DLGAP2: variants seen among roughly 807,000 people sequenced by gnomAD.
DLGAP2 encodes the protein DLG associated protein 2, also known as disks large-associated protein 2.
In DLGAP2, 26 loss-of-function variants were observed where a neutral mutation model predicts 100.3. That is an observed-to-expected ratio of 0.26 (90% CI 0.19 to 0.36). The LOEUF (loss-of-function observed/expected upper bound fraction) is 0.36, where lower values mean the gene tolerates loss of function less well. DLGAP2 is among the 10% of genes least tolerant of loss of function. The probability of loss-of-function intolerance (pLI) is 1.00; values close to 1 mark genes in which losing one functional copy is unlikely to be tolerated. For missense variants in DLGAP2, 1,858 were observed against 1,453.2 expected, an observed-to-expected ratio of 1.28 and a Z score of -4.53; for synonymous variants, 886 against 630.1, an observed-to-expected ratio of 1.41 and a Z score of -6.08.
At chr8:1,322,777 C>A (rs74588242) in intron 3 of DLGAP2, among the ~76,000 whole-genome samples, 1 of 152,248 alleles carries the variant, frequency 6.6e-6, no homozygotes, top group Non-Finnish European at 1.5e-5. Context: ...GCTCCTCCCC[C>A]CTGCATCAGG....
intron 12 of DLGAP2, among the ~76,000 whole-genome samples, chr8:1,683,241 T>C (rs1249045303): frequency 6.6e-6 from 1 of 151,552 alleles, no homozygotes; most frequent in Non-Finnish European, 1.5e-5. Flanking sequence ...CTGGAGAAGG[T>C]GGCACTGTGC....
At chr8:947,404 G>A (rs117156250) in intron 2 of DLGAP2, among the ~76,000 whole-genome samples, 3 of 152,336 alleles carry the variant, frequency 2.0e-5, no homozygotes, top group East Asian at 1.9e-4. Context: ...TTCATGTTGC[G>A]CTGGCCTTGC....
intron 1 of DLGAP2, among the ~76,000 whole-genome samples, chr8:901,951 T>G (rs920371798): frequency 2.6e-5 from 4 of 152,200 alleles, no homozygotes; most frequent in African/African-American, 9.6e-5. Flanking sequence ...GGAAACTGGC[T>G]GGAGGGCAGC....
intron 2 of DLGAP2, among the ~76,000 whole-genome samples, chr8:958,269 C>T (rs1033358100): frequency 2.6e-5 from 4 of 152,282 alleles, no homozygotes; most frequent in South Asian, 4.1e-4. Flanking sequence ...CCCCCACCGC[C>T]GCCATGTTTT....
At chr8:1,059,522 C>G (rs115903311) in intron 2 of DLGAP2, among the ~76,000 whole-genome samples, 1 of 152,136 alleles carries the variant, frequency 6.6e-6, no homozygotes, top group Non-Finnish European at 1.5e-5. Context: ...TGGTGTGTGG[C>G]GAGTGTGGGC....
At chr8:1,020,593 C>T (rs959701910) in intron 2 of DLGAP2, among the ~76,000 whole-genome samples, 2 of 152,242 alleles carry the variant, frequency 1.3e-5, no homozygotes, top group Non-Finnish European at 2.9e-5. Context: ...GCATTGACAG[C>T]ATTGTCAGGA....
chr8:911,013 C>A (rs1305808089), intron 2 of DLGAP2, among the ~76,000 whole-genome samples: 1 of 152,102 alleles, frequency 6.6e-6, no homozygotes, highest in Non-Finnish European at 1.5e-5. Flanking sequence ...CTGCCCATTC[C>A]TGCTTGGAGC....
At position 1,701,516 on chromosome 8, in the gene DLGAP2, C is replaced by A; in HGVS notation, c.*110C>A. ...CCTCCTCCCGCTGAACACGTCCTCG[C>A]TCCCGCGCTCCCCGCGCCCCGGACA... On this transcript the variant is annotated 3_prime_UTR_variant, in exon 15 of 15. Transcript: ENST00000637795. The A allele has an allele frequency of 8.5e-7, 1 of 1,172,774 alleles. No homozygotes were observed. The highest frequency in any genetic ancestry group is 1.2e-6 in the Non-Finnish European group (1 of 857,074). The allele number at this position is 1,172,774 out of a possible 1,614,324, so 72.6% of individuals were successfully genotyped here. A position where few individuals can be genotyped will look rare whatever the true frequency, so the allele number is the denominator to read the frequency against.
At chr8:937,913 G>A (rs1267362793) in intron 2 of DLGAP2, among the ~76,000 whole-genome samples, 1 of 152,148 alleles carries the variant, frequency 6.6e-6, no homozygotes, top group Admixed American at 6.5e-5. Flanking sequence ...TGGGGTAGGG[G>A]GACAGGAGGT....
At chr8:747,561 T>G (rs1398621412) in intron 1 of DLGAP2, among the ~76,000 whole-genome samples, 282 of 10,596 alleles carry the variant, frequency 0.027, no homozygotes, top group Non-Finnish European at 0.028. Context: ...AGGGCGGGGG[T>G]GGGGGGCTCT....
chr8:836,069 A>C (rs941641732), intron 1 of DLGAP2, among the ~76,000 whole-genome samples: 3 of 152,188 alleles, frequency 2.0e-5, no homozygotes, highest in East Asian at 1.9e-4. Context: ...TGTAAAGGAC[A>C]CCCGCAGCCA....
intron 2 of DLGAP2, among the ~76,000 whole-genome samples, chr8:1,031,536 C>T (rs1293970309): frequency 6.6e-6 from 1 of 152,122 alleles, no homozygotes. Flanking sequence ...CTCAGCCTCT[C>T]AAGTAGCTGG....
intron 3 of DLGAP2, among the ~76,000 whole-genome samples, chr8:1,389,749 G>A (rs1426265721): frequency 6.6e-6 from 1 of 152,144 alleles, no homozygotes; most frequent in Non-Finnish European, 1.5e-5. Flanking sequence ...AGGTGGCCGT[G>A]GAGCAGCTGG....
intron 3 of DLGAP2, among the ~76,000 whole-genome samples, chr8:1,332,359 C>T (rs1450027247): frequency 1.3e-5 from 2 of 151,844 alleles, no homozygotes; most frequent in Non-Finnish European, 2.9e-5. Context: ...GTGTATACAT[C>T]TGTGTACACA....
At chr8:1,491,506 G>T (rs1799388019) in intron 3 of DLGAP2, among the ~76,000 whole-genome samples, 1 of 152,210 alleles carries the variant, frequency 6.6e-6, no homozygotes, top group Non-Finnish European at 1.5e-5. Context: ...TTTGTAAAAT[G>T]CCCTTCACTC....
chr8:1,213,709 C>CTAATAT (rs1323274172), intron 2 of DLGAP2, among the ~76,000 whole-genome samples: 1 of 152,158 alleles, frequency 6.6e-6, no homozygotes, highest in Non-Finnish European at 1.5e-5. Flanking sequence ...TATCCAAGGG[C>CTAATAT]CCTCTCCCAT....
intron 3 of DLGAP2, among the ~76,000 whole-genome samples, chr8:1,358,001 C>G (rs1801895830): frequency 6.6e-6 from 1 of 152,162 alleles, no homozygotes; most frequent in South Asian, 2.1e-4. Context: ...TGTCTCAGGA[C>G]TCCTTGACAA....
intron 3 of DLGAP2, among the ~76,000 whole-genome samples, chr8:1,273,997 AT>A (rs1353198447): frequency 6.6e-6 from 1 of 152,108 alleles, no homozygotes; most frequent in Non-Finnish European, 1.5e-5. Flanking sequence ...TTCAGTAACC[AT>A]TTTTCATATA....
At chr8:1,499,423 C>T (rs1395325112) in intron 3 of DLGAP2, among the ~76,000 whole-genome samples, 3 of 152,210 alleles carry the variant, frequency 2.0e-5, no homozygotes, top group Non-Finnish European at 4.4e-5. Flanking sequence ...CTTTCTCACA[C>T]AGCTGGACGC....
Sources: gnomAD v4.1 joint callset for allele counts (sites outside exome capture counted in the v4.1 genomes callset) on GRCh38, gnomAD v4.1.1 for gene constraint, MANE v1.5 for transcripts, NCBI Gene and HGNC (gene_info 2026-07-23, HGNC 2026-07-21) for gene names.